SH3TC2: variants seen among roughly 807,000 people sequenced by gnomAD.
The protein encoded by SH3TC2 is SH3 domain and tetratricopeptide repeat-containing protein 2.
A neutral mutation model predicts 124.5 loss-of-function variants in SH3TC2; 87 were observed. The ratio of observed to expected loss-of-function variants is 0.70; its 90% CI spans 0.59 to 0.84. The LOEUF is 0.84. Among genes scored for constraint, SH3TC2 ranks in the 40% least tolerant of loss-of-function variants. The pLI is 0.00. For missense variants in SH3TC2, 1,536 were observed against 1,566.4 expected (o/e 0.98, Z 0.33); for synonymous variants, 634 against 628.5 (o/e 1.01, Z -0.13).
In SH3TC2 at chr5:149,031,806, C is replaced by T. The variant is rs11168081; in HGVS notation, c.1002-119G>A. On this transcript the variant is annotated intron_variant, in intron 8 of 16. Transcript: ENST00000515425. ...GAAAAGTCATCAAACCAACTTCCCG[C>T]AAATGAAATTAGATTCCTCATCTCA... 0.99 allele frequency: 1,295,825 copies of T among 1,306,852 alleles called. 642,457 individuals carry two copies. Among genetic ancestry groups the T allele is most frequent in the East Asian group, 1 (42,393 of 42,394 alleles). The allele number at this position is 1,306,852 out of a possible 1,614,324, so 81.0% of individuals were successfully genotyped here. A position where few individuals can be genotyped will look rare whatever the true frequency, so the allele number is the denominator to read the frequency against.
chr5:149,027,941 G>T lies in SH3TC2; in HGVS notation c.1791C>A (p.Ala597=). 6.2e-7 allele frequency: 1 copy of T among 1,614,132 alleles called. No homozygotes were observed. The highest frequency in any genetic ancestry group is 8.5e-7 in the Non-Finnish European group (1 of 1,180,046). Residue 597 remains alanine (A), a synonymous_variant, in exon 11 of 17, where the codon GCC becomes GCA. Coordinates refer to ENST00000515425, the MANE Select transcript of SH3TC2 (RefSeq NM_024577.4). ...CACGGTCAGGCAGGCAGGCCAGCAG[G>T]GCACCTGCCTTTTCCAACAGGGCGG... ...KGSALLEKAG[A]LLACLPDRES...
chr5:149,008,658 C>T (rs1753731303), intron 15 of SH3TC2, 193 bp downstream of exon 15: 12 of 701,106 alleles, frequency 1.7e-5, no homozygotes, highest in Non-Finnish European at 2.7e-5. Context: ...TATTTTTAAT[C>T]CTGATTTGGT....
intron 12 of SH3TC2, among the ~76,000 whole-genome samples, chr5:149,019,414 AG>A (rs1194197231): frequency 6.6e-6 from 1 of 152,190 alleles, no homozygotes; most frequent in African/African-American, 2.4e-5. Context: ...TTATGTGTAC[AG>A]GGGTTTCCTC....
Position 149,038,504 on chromosome 5 carries a change from C to A in SH3TC2, c.806-14G>T. 1 of 1,613,580 alleles carries A rather than the reference C, an allele frequency of 6.2e-7. No homozygotes were observed. The highest frequency in any genetic ancestry group is 8.5e-7 in the Non-Finnish European group (1 of 1,179,586). ...AGCGTCCTCTGCCTGTGGAAAATAGCACACAGATCAGCTACAGAAGACATG... is the reference window on the plus strand; with the variant it reads ...AGCGTCCTCTGCCTGTGGAAAATAGAACACAGATCAGCTACAGAAGACATG... On this transcript the variant is annotated splice_polypyrimidine_tract_variant and intron_variant, in intron 7 of 16. Coordinates refer to ENST00000515425, the MANE Select transcript of SH3TC2 (RefSeq NM_024577.4).
In SH3TC2 at chr5:148,984,158, T is replaced by C. The variant is rs1419202542; in HGVS notation, c.*20553A>G. 6.6e-6 allele frequency among the ~76,000 whole-genome samples: 1 copy of C among 152,148 alleles called. No homozygotes were observed. Among genetic ancestry groups the C allele is most frequent in the Non-Finnish European group, 1.5e-5 (1 of 68,024 alleles). On this transcript the variant is annotated 3_prime_UTR_variant, in exon 17 of 17. Transcript: ENST00000515425. ...TTATCTCTCTCTTCTCTTTCTGAAA[T>C]TGCATTATGTAAATATTAGTTCTCT...
chr5:148,999,908 A>G lies in SH3TC2; in HGVS notation c.*4803T>C, dbSNP rs1425440935. ...TCTGCTCCAGCCTCACTGCACTCAG[A>G]GTGACCTGTTCTCAGAAAACATCAC... is the stretch of plus-strand genomic sequence containing the variant. On this transcript the variant is annotated 3_prime_UTR_variant, in exon 17 of 17. Coordinates refer to ENST00000515425, the MANE Select transcript of SH3TC2 (RefSeq NM_024577.4). Among the ~76,000 whole-genome samples, 1 of 152,092 alleles carries G rather than the reference A, an allele frequency of 6.6e-6. No individual in the cohort carries two copies. Among genetic ancestry groups the G allele is most frequent in the Non-Finnish European group, 1.5e-5 (1 of 68,012 alleles).
In SH3TC2 at chr5:149,062,732, G is replaced by A. The variant is rs40522; in HGVS notation, c.52+239C>T. Among the ~76,000 whole-genome samples the A allele has an allele frequency of 0.25, 38,010 of 152,156 alleles. 5,436 individuals carry two copies. Among genetic ancestry groups the A allele is most frequent in the African/African-American group, 0.37 (15,238 of 41,494 alleles). On this transcript the variant is annotated intron_variant, in intron 1 of 16. Transcript: ENST00000515425. ...CCAGGAGCAGTGCTGCTCAGCTCCT[G>A]ACAGAGTAAACTCAAAGGCTCTTTC...
At chr5:149,031,752 C>T in intron 8 of SH3TC2, 65 bp from the exon 9 acceptor site, 1 of 1,606,662 alleles carries the variant, frequency 6.2e-7, no homozygotes, top group South Asian at 1.1e-5. Context: ...CTCCTCTTCT[C>T]TCCACACTAG....
Position 149,028,384 on chromosome 5 carries a change from G to C in SH3TC2, c.1348C>G (p.Pro450Ala). 3 of 1,614,106 alleles carry C rather than the reference G, an allele frequency of 1.9e-6. No individual in the cohort carries two copies. Among genetic ancestry groups the C allele is most frequent in the Non-Finnish European group, 2.5e-6 (3 of 1,180,032 alleles). Residue 450 changes from proline (P) to alanine (A), a missense_variant, in exon 11 of 17, where the codon CCG becomes GCG. Physicochemically the swap from Pro to Ala is conservative, Grantham distance 27 (BLOSUM62 -1). This residue lies in a region of SH3TC2 where 1,102 missense variants were observed against 1,098.6 expected (regional missense o/e 1.00). Transcript: ENST00000515425. ...GTGCTTAGGTCCATGAGCAGTTCCG[G>C]GTCATCAAGGTCATCAGGCTCCGGC... ...RLPEPDDLDD[P>A]ELLMDLSTGQ...
chr5:149,024,314 G>A (rs185206575), intron 12 of SH3TC2, among the ~76,000 whole-genome samples: 28 of 152,218 alleles, frequency 1.8e-4, no homozygotes, highest in African/African-American at 5.5e-4. Context: ...CACATGCACC[G>A]TATGTCTCCT....
rs1753492560 is a variant in SH3TC2 at position 148,995,361 on chromosome 5, G to T, written c.*9350C>A. Among the ~76,000 whole-genome samples, 1 of 152,108 alleles carries T rather than the reference G, an allele frequency of 6.6e-6. No individual in the cohort carries two copies. Among genetic ancestry groups the T allele is most frequent in the African/African-American group, 2.4e-5 (1 of 41,400 alleles). Reference sequence around the variant, plus strand: ...CACCTTCTTTGGAGGATCATTTGGAGGATCAAATCCTATACTGTGGGTAAA... The same window carrying T: ...CACCTTCTTTGGAGGATCATTTGGATGATCAAATCCTATACTGTGGGTAAA... On this transcript the variant is annotated 3_prime_UTR_variant, in exon 17 of 17. Transcript: ENST00000515425.
Position 149,031,759 on chromosome 5 carries a change from C to G in SH3TC2, c.1002-72G>C. 4 of 1,593,970 alleles carry G rather than the reference C, an allele frequency of 2.5e-6. No individual in the cohort carries two copies. In the South Asian group the frequency reaches 4.4e-5, roughly 18 times the overall value. On this transcript the variant is annotated intron_variant, in intron 8 of 16. Coordinates refer to ENST00000515425, the MANE Select transcript of SH3TC2 (RefSeq NM_024577.4). ...GACTCCATCTCCTCTTCTCTCCACACTAGGATGTAGTGGAGGATGCAGAAA... is the reference window on the plus strand; with the variant it reads ...GACTCCATCTCCTCTTCTCTCCACAGTAGGATGTAGTGGAGGATGCAGAAA...
chr5:149,037,085 C>A lies in SH3TC2; in HGVS notation c.1001+1210G>T, dbSNP rs556591758. ...TGCCAGGTTAAGGAAAGGGCCCTCA[C>A]ACAGGCATTCCCAGGTTTCCAGAGC... On this transcript the variant is annotated intron_variant, in intron 8 of 16. Coordinates refer to ENST00000515425, the MANE Select transcript of SH3TC2 (RefSeq NM_024577.4). 3.9e-5 allele frequency among the ~76,000 whole-genome samples: 6 copies of A among 152,306 alleles called. No homozygotes were observed. In the East Asian group the frequency reaches 1.2e-3, roughly 29 times the overall value.
chr5:148,999,276 C>T lies in SH3TC2; in HGVS notation c.*5435G>A. On this transcript the variant is annotated 3_prime_UTR_variant, in exon 17 of 17. Transcript: ENST00000515425. ...CTTACATGCCTCCAAAGATGGATTT[C>T]CTTTTTAGCCATTTCCTTGTCTATG... Among the ~76,000 whole-genome samples the T allele has an allele frequency of 6.6e-6, 1 of 152,218 alleles. No individual in the cohort carries two copies. Among genetic ancestry groups the T allele is most frequent in the East Asian group, 1.9e-4 (1 of 5,192 alleles).
chr5:148,993,718 C>A lies in SH3TC2; in HGVS notation c.*10993G>T, dbSNP rs1173272112. Among the ~76,000 whole-genome samples the A allele has an allele frequency of 6.6e-6, 1 of 152,174 alleles. No individual in the cohort carries two copies. Among genetic ancestry groups the A allele is most frequent in the African/African-American group, 2.4e-5 (1 of 41,426 alleles). ...CAATCATTTACAGATGATGCTCTGACAAGGGAGGCAGACTGAGACCATCAC... is the reference window on the plus strand; with the variant it reads ...CAATCATTTACAGATGATGCTCTGAAAAGGGAGGCAGACTGAGACCATCAC... On this transcript the variant is annotated 3_prime_UTR_variant, in exon 17 of 17. Coordinates refer to ENST00000515425, the MANE Select transcript of SH3TC2 (RefSeq NM_024577.4).
chr5:149,019,913 A>G (rs992519950), intron 12 of SH3TC2, among the ~76,000 whole-genome samples: 1 of 152,116 alleles, frequency 6.6e-6, no homozygotes, highest in African/African-American at 2.4e-5. Flanking sequence ...TCCCCAGAGA[A>G]CTGTTACTGT....
rs1345270686 is a variant in SH3TC2 at position 148,996,042 on chromosome 5, G to A, written c.*8669C>T. Among the ~76,000 whole-genome samples, 1 of 150,840 alleles carries A rather than the reference G, an allele frequency of 6.6e-6. No homozygotes were observed. The highest frequency in any genetic ancestry group is 2.4e-5 in the African/African-American group (1 of 40,916). ...GGATGATTTGAGCCCAGGAGTTTGA[G>A]ACTAGCATGGGCAACATGGTGGAAA... On this transcript the variant is annotated 3_prime_UTR_variant, in exon 17 of 17. Transcript: ENST00000515425.
chr5:148,997,493 C>T lies in SH3TC2; in HGVS notation c.*7218G>A, dbSNP rs1753531144. 6.6e-6 allele frequency among the ~76,000 whole-genome samples: 1 copy of T among 152,120 alleles called. No homozygotes were observed. The highest frequency in any genetic ancestry group is 2.1e-4 in the South Asian group (1 of 4,830). On this transcript the variant is annotated 3_prime_UTR_variant, in exon 17 of 17. Transcript: ENST00000515425. ...AACACCAGTATTTCTTTTTCAAGAC[C>T]TCCTGGAAAGTCAGTTCTCTCCAAT...
intron 1 of SH3TC2, among the ~76,000 whole-genome samples, chr5:149,056,423 T>C (rs1754649121): frequency 6.6e-6 from 1 of 152,226 alleles, no homozygotes; most frequent in Non-Finnish European, 1.5e-5. Flanking sequence ...TCCATCCATG[T>C]CTCATGAAAG....
Sources: allele counts gnomAD v4.1 joint callset (sites outside exome capture counted in the v4.1 genomes callset), GRCh38; gene constraint gnomAD v4.1.1; regional missense constraint gnomAD v4.1.1; transcripts MANE v1.5; gene names NCBI Gene and HGNC (gene_info 2026-07-23, HGNC 2026-07-21).